Variants in PALD1 observed in about 807,000 individuals in gnomAD.
The protein encoded by PALD1 is phosphatase domain containing paladin 1, also known as paladin.
A neutral mutation model predicts 96.0 loss-of-function variants in PALD1; 57 were observed. The ratio of observed to expected loss-of-function variants is 0.59; its 90% CI spans 0.48 to 0.74. PALD1 has a LOEUF of 0.74. Among genes scored for constraint, PALD1 ranks in the 30% least tolerant of loss-of-function variants. PALD1 has a pLI of 0.00. For missense variants in PALD1, 1,063 were observed against 1,143.7 expected (o/e 0.93, Z 1.02); for synonymous variants, 464 against 473.6 (o/e 0.98, Z 0.26).
Position 70,540,668 on chromosome 10 carries a change from G to C in PALD1, c.1909-434G>C, listed in dbSNP as rs574537783. 2.0e-4 allele frequency among the ~76,000 whole-genome samples: 30 copies of C among 152,266 alleles called. No individual in the cohort carries two copies. The highest frequency in any genetic ancestry group is 6.7e-4 in the African/African-American group (28 of 41,540). ...ACTGCCTGCGGTCTGCTGCCTCCTGGTGGCCTTGTGCTGCAGGGCTCTTCT... is the reference window on the plus strand; with the variant it reads ...ACTGCCTGCGGTCTGCTGCCTCCTGCTGGCCTTGTGCTGCAGGGCTCTTCT... On this transcript the variant is annotated intron_variant, in intron 15 of 19. Transcript: ENST00000263563. This position sits in a 1 kb window ranked among gnomAD's most constrained non-coding sequence, Gnocchi z 4.2.
At chr10:70,512,020 C>T (rs141308639) in intron 1 of PALD1, among the ~76,000 whole-genome samples, 286 of 152,040 alleles carry the variant, frequency 1.9e-3, no homozygotes, top group Non-Finnish European at 1.4e-3. Flanking sequence ...AGCGAGACTC[C>T]GTCTCAAAAG....
At chr10:70,481,895 C>T (rs1247944777) in intron 1 of PALD1, among the ~76,000 whole-genome samples, 1 of 152,266 alleles carries the variant, frequency 6.6e-6, no homozygotes, top group Non-Finnish European at 1.5e-5. Flanking sequence ...ATGCACCATG[C>T]AACCTCCAGC....
In PALD1 at chr10:70,534,761, G is replaced by C. The variant is rs1285213965; in HGVS notation, c.1145G>C (p.Cys382Ser). 4 of 1,610,784 alleles carry C rather than the reference G, an allele frequency of 2.5e-6. No homozygotes were observed. The highest frequency in any genetic ancestry group is 2.2e-5 in the South Asian group (2 of 90,324). The change falls in exon 10 of 20, where the codon TGT (cysteine) becomes TCT (serine). Residue 382 changes from cysteine to serine, a missense_variant. Cys to Ser is a moderately radical substitution (Grantham distance 112, BLOSUM62 -1). Transcript: ENST00000263563. ...VEEVDRAITA[C>S]AELHDLKEVV... is the part of the protein sequence containing the mutation. ...CAGGTGGACAGAGCCATCACTGCCT[G>C]TGCCGAGTTGCATGACCTGAAAGAA...
chr10:70,516,821 T>C (rs961294402), intron 1 of PALD1, among the ~76,000 whole-genome samples: 12 of 152,250 alleles, frequency 7.9e-5, no homozygotes, highest in African/African-American at 2.9e-4. Flanking sequence ...GACCTCTCAA[T>C]GTGCTATTAT....
chr10:70,537,278 AT>A (rs200519824), intron 10 of PALD1, among the ~76,000 whole-genome samples: 1 of 151,848 alleles, frequency 6.6e-6, no homozygotes, highest in Non-Finnish European at 1.5e-5. Flanking sequence ...TAATTTTTGT[AT>A]TTTTTTATAG....
Position 70,529,276 on chromosome 10 carries a change from C to T in PALD1, c.233C>T (p.Ala78Val), listed in dbSNP as rs751711268. 2 of 1,461,404 alleles carry T rather than the reference C, an allele frequency of 1.4e-6. No homozygotes were observed. Among genetic ancestry groups the T allele is most frequent in the Non-Finnish European group, 1.8e-6 (2 of 1,082,318 alleles). 90.5% of individuals were successfully genotyped at this position (1,461,404 alleles called of 1,614,324 possible). The change falls in exon 3 of 20, where the codon GCT becomes GTT. Residue 78 changes from alanine to valine, a missense_variant. Transcript: ENST00000263563. ...CAGATCCATGATGAGCTGCTCAAGG[C>T]TCATTACACGTTGGGCCGGCTCTCG... is the stretch of plus-strand genomic sequence containing the variant. ...EFQIHDELLK[A>V]HYTLGRLSDN...
chr10:70,472,110 T>A, the PALD1 span, among the ~76,000 whole-genome samples: 1 of 151,926 alleles, frequency 6.6e-6, no homozygotes, highest in African/African-American at 2.4e-5. Context: ...CCCTGGGAGG[T>A]TGTGTCAGGC....
At chr10:70,500,847 C>T (rs889044413) in intron 1 of PALD1, among the ~76,000 whole-genome samples, 5 of 152,016 alleles carry the variant, frequency 3.3e-5, no homozygotes, top group Admixed American at 1.3e-4. Flanking sequence ...TCCTCCCATG[C>T]CAGGGGCGGA....
At chr10:70,558,657 AC>A (rs1489844506) in intron 18 of PALD1, among the ~76,000 whole-genome samples, 2 of 151,932 alleles carry the variant, frequency 1.3e-5, no homozygotes, top group Non-Finnish European at 2.9e-5. Flanking sequence ...GGCTGGTATT[AC>A]ACGGGGAGTA....
intron 1 of PALD1, among the ~76,000 whole-genome samples, chr10:70,523,875 G>A (rs939622198): frequency 3.3e-5 from 5 of 152,266 alleles, no homozygotes; most frequent in Non-Finnish European, 7.4e-5. Flanking sequence ...TGAATGGGAG[G>A]TGGCTCTAGG....
chr10:70,488,880 C>T (rs1846054440), intron 1 of PALD1, among the ~76,000 whole-genome samples: 1 of 151,166 alleles, frequency 6.6e-6, no homozygotes, highest in African/African-American at 2.4e-5. Context: ...TATTCTGCTG[C>T]TGGGGGTCTG....
chr10:70,510,914 A>G (rs1160866104), intron 1 of PALD1, among the ~76,000 whole-genome samples: 1 of 152,096 alleles, frequency 6.6e-6, no homozygotes, highest in Non-Finnish European at 1.5e-5. Flanking sequence ...AACGGTGTGC[A>G]TCTCGTGTGT....
chr10:70,563,457 C>G (rs1486542267), intron 18 of PALD1, among the ~76,000 whole-genome samples: 1 of 152,242 alleles, frequency 6.6e-6, no homozygotes, highest in African/African-American at 2.4e-5. Context: ...CAGCACGTGG[C>G]CTGGTGCCAT....
Position 70,529,245 on chromosome 10 carries a change from G to T in PALD1, c.202G>T (p.Glu68Ter). Residue 68 changes from glutamate to a stop codon, truncating the protein, a stop_gained, in exon 3 of 20, where the codon GAG becomes TAG. Transcript: ENST00000263563. LOFTEE classifies it high-confidence loss of function. ...PVVITYNCKE[E>*]FQIHDELLKA... ...CCCCCCCAGGTACAACTGCAAGGAG[G>T]AGTTCCAGATCCATGATGAGCTGCT... The T allele has an allele frequency of 1.8e-6, 2 of 1,136,992 alleles. No homozygotes were observed. The allele number at this position is 1,136,992 out of a possible 1,614,324, so 70.4% of individuals were successfully genotyped here.
intron 1 of PALD1, chr10:70,485,578 T>G (rs536550271): frequency 6.6e-6 from 1 of 152,102 alleles, no homozygotes; most frequent in Admixed American, 6.5e-5. Context: ...CCCGGCTGAT[T>G]TTTGCATTTT....
chr10:70,514,187 C>A (rs899857394), intron 1 of PALD1, among the ~76,000 whole-genome samples: 2 of 152,222 alleles, frequency 1.3e-5, no homozygotes, highest in Non-Finnish European at 2.9e-5. Flanking sequence ...GACTTGTCAT[C>A]TCAGTGTGTG....
the PALD1 span, among the ~76,000 whole-genome samples, chr10:70,468,702 C>CTCTGTGTGTG: frequency 2.4e-5 from 3 of 123,806 alleles, 1 homozygote; most frequent in South Asian, 9.0e-4. Flanking sequence ...TGAGGCAGGA[C>CTCTGTGTGTG]TGTGTGTGTG....
chr10:70,533,151 C>T (rs534433036), intron 7 of PALD1, 81 bp downstream of exon 7: 11 of 1,120,098 alleles, frequency 9.8e-6, no homozygotes, highest in Middle Eastern at 1.9e-4. Context: ...CACAGCCTCT[C>T]GCCTTCCTCA....
intron 18 of PALD1, among the ~76,000 whole-genome samples, chr10:70,561,024 GC>G (rs1450288866): frequency 6.6e-6 from 1 of 152,160 alleles, no homozygotes; most frequent in Non-Finnish European, 1.5e-5. Context: ...AGCAAGATGT[GC>G]CCTCGGAACC....
Sources: allele counts gnomAD v4.1 joint callset (sites outside exome capture counted in the v4.1 genomes callset), GRCh38; gene constraint gnomAD v4.1.1; non-coding constraint Gnocchi (gnomAD v3.1); transcripts MANE v1.5; gene names NCBI Gene and HGNC (gene_info 2026-07-23, HGNC 2026-07-21).